Variants in ITGB2 observed in about 807,000 individuals in gnomAD.
The protein encoded by ITGB2 is integrin beta-2.
ITGB2 carries 56 observed loss-of-function variants against 86.8 expected under a neutral mutation model. That is an observed-to-expected ratio of 0.65 (90% CI 0.52 to 0.81). The LOEUF is 0.81. Among genes scored for constraint, ITGB2 ranks in the 30% least tolerant of loss-of-function variants. The probability of loss-of-function intolerance (pLI) is 0.00; values close to 1 mark genes in which losing one functional copy is unlikely to be tolerated. For missense variants in ITGB2, 948 were observed against 1,061.2 expected (o/e 0.89, Z 1.48); for synonymous variants, 457 against 450.4 (o/e 1.01, Z -0.19).
intron 8 of ITGB2, among the ~76,000 whole-genome samples, 179 bp downstream of exon 8, chr21:44,898,888 T>C (rs2083906522): frequency 1.3e-5 from 2 of 152,130 alleles, no homozygotes; most frequent in Admixed American, 1.3e-4. Context: ...CACGCAGGCG[T>C]CCTGTCCCCG....
At chr21:44,918,996 CA>C (rs148463578) in intron 1 of ITGB2, among the ~76,000 whole-genome samples, 4,296 of 55,706 alleles carry the variant, frequency 0.077, 12 homozygotes, top group African/African-American at 0.17. Context: ...CGGAGCTGAG[CA>C]TTCCCCTCTC....
chr21:44,919,026 T>TCTCCCA (rs1324062145), intron 1 of ITGB2, among the ~76,000 whole-genome samples: 690 of 47,044 alleles, frequency 0.015, 40 homozygotes, highest in Middle Eastern at 0.096. Flanking sequence ...CGGAGGCACC[T>TCTCCCA]GCAGTTGCTC....
upstream of ITGB2, among the ~76,000 whole-genome samples, chr21:44,924,772 A>C (rs1371671470): frequency 3.3e-5 from 5 of 152,194 alleles, no homozygotes. Flanking sequence ...CTACGGGGTA[A>C]TGAATAAGAG....
intron 1 of ITGB2, among the ~76,000 whole-genome samples, chr21:44,925,908 C>A (rs1568916170): frequency 6.6e-6 from 1 of 152,110 alleles, no homozygotes; most frequent in Non-Finnish European, 1.5e-5. Flanking sequence ...GAAACCTCGT[C>A]TCTACTAAAA....
rs1462134019 is a variant in ITGB2, at chr21:44,886,988, AC to A, written c.2081-87del. 6 of 1,532,028 alleles carry A rather than the reference AC, an allele frequency of 3.9e-6. No homozygotes were observed. The African/African-American group carries it at 8.2e-5, about 21-fold the overall frequency. 94.9% of individuals were successfully genotyped at this position (1,532,028 alleles called of 1,614,324 possible). On this transcript the variant is annotated intron_variant, in intron 14 of 15. Coordinates refer to ENST00000652462, the MANE Select transcript of ITGB2 (RefSeq NM_000211.5). ...CACAGGTCCGAGGTCACCCCACAAC[AC>A]AGCACTTAGAGAGACGGAGGTTCCC...
intron 12 of ITGB2, 36 bp downstream of exon 12, chr21:44,889,942 G>A: frequency 6.2e-7 from 1 of 1,611,586 alleles, no homozygotes; most frequent in Non-Finnish European, 8.5e-7. Flanking sequence ...CTGTGCCGCA[G>A]GACGGCCGTT....
intron 3 of ITGB2, among the ~76,000 whole-genome samples, chr21:44,908,432 C>A (rs923742945): frequency 6.6e-6 from 1 of 152,066 alleles, no homozygotes. Flanking sequence ...TAACCCCTGA[C>A]CAAAACTACT....
Position 44,901,708 on chromosome 21 carries a change from G to T in ITGB2, c.525C>A (p.Thr175=). The change falls in exon 6 of 16, where the codon ACC becomes ACA. Residue 175 remains threonine, a synonymous_variant. Transcript: ENST00000652462. ...GGTGCGTGTTCACGAACGGCAGCAC[G>T]GTCTTGTCCACGAAGGACCCGAAGC... The part of the protein sequence containing the change: ...RIGFGSFVDK[T]VLPFVNTHPD... 1 of 1,612,224 alleles carries T rather than the reference G, an allele frequency of 6.2e-7. No individual in the cohort carries two copies. Among genetic ancestry groups the T allele is most frequent in the Non-Finnish European group, 8.5e-7 (1 of 1,178,292 alleles).
At chr21:44,923,699 T>G (rs1382507686), upstream of ITGB2, among the ~76,000 whole-genome samples, 1 of 152,182 alleles carries the variant, frequency 6.6e-6, no homozygotes, top group Non-Finnish European at 1.5e-5. Context: ...TTTGGAGAAG[T>G]TGGTGGTGAT....
intron 11 of ITGB2, 29 bp from the exon 12 acceptor site, chr21:44,890,251 G>T (rs1243245706): frequency 6.2e-6 from 10 of 1,612,046 alleles, no homozygotes; most frequent in Non-Finnish European, 7.6e-6. Flanking sequence ...CCAAGGTCAG[G>T]CTCCCCCCAG....
chr21:44,894,397 T>TC, intron 9 of ITGB2: 1 of 171,836 alleles, frequency 5.8e-6, no homozygotes, highest in Admixed American at 5.4e-5. Flanking sequence ...GGACCTCTGG[T>TC]GCCTGGGGCC....
At chr21:44,888,634 G>A in intron 14 of ITGB2, 59 bp downstream of exon 14, 2 of 1,572,924 alleles carry the variant, frequency 1.3e-6, no homozygotes. Context: ...CCTCGCCTCT[G>A]CGGAGACCCC....
intron 8 of ITGB2, among the ~76,000 whole-genome samples, chr21:44,898,689 G>A (rs1039236445): frequency 6.6e-6 from 1 of 152,234 alleles, no homozygotes; most frequent in Non-Finnish European, 1.5e-5. Context: ...GCTTGTGAAC[G>A]TTTTTGTGTA....
Position 44,897,237 on chromosome 21 carries a change from G to A in ITGB2, c.993+1830C>T, listed in dbSNP as rs193132203. Among the ~76,000 whole-genome samples the A allele has an allele frequency of 2.1e-3, 327 of 152,352 alleles. 3 individuals are homozygous for A. The highest frequency in any genetic ancestry group is 7.9e-3 in the South Asian group (38 of 4,826). On this transcript the variant is annotated intron_variant, in intron 8 of 15. Transcript: ENST00000652462. ...GAGGTTGAGCTTGTAGCTGGGATACGGGCCTGACAATGGATCCCTGTAGTT... is the reference window on the plus strand; with the variant it reads ...GAGGTTGAGCTTGTAGCTGGGATACAGGCCTGACAATGGATCCCTGTAGTT...
At chr21:44,926,671 C>T (rs2084377301) in intron 1 of ITGB2, 1 of 152,296 alleles carries the variant, frequency 6.6e-6, no homozygotes, top group African/African-American at 2.4e-5. Context: ...CAGGGTTTCT[C>T]ATCTGCTGAA....
chr21:44,890,344 C>T (rs1366009320), intron 11 of ITGB2, 122 bp from the exon 12 acceptor site: 39 of 1,278,030 alleles, frequency 3.1e-5, no homozygotes, highest in East Asian at 1.9e-4. Context: ...ATTTTGCTTT[C>T]CTCGAGGCCT....
intron 1 of ITGB2, among the ~76,000 whole-genome samples, chr21:44,912,663 G>A (rs767582515): frequency 6.6e-6 from 1 of 152,122 alleles, no homozygotes; most frequent in Non-Finnish European, 1.5e-5. Context: ...GGTTCAGGCC[G>A]AGGCCAGTTC....
At chr21:44,905,190 C>T (rs915321794) in intron 4 of ITGB2, among the ~76,000 whole-genome samples, 5 of 152,104 alleles carry the variant, frequency 3.3e-5, no homozygotes, top group Non-Finnish European at 7.4e-5. Context: ...CAGCAGGCTG[C>T]GGGGGTAGGG....
chr21:44,891,820 G>A lies in ITGB2; in HGVS notation c.1401C>T (p.Cys467=), dbSNP rs769456941. Residue 467 remains cysteine, a synonymous_variant, in exon 11 of 16, where the codon TGC becomes TGT. Coordinates refer to ENST00000652462, the MANE Select transcript of ITGB2 (RefSeq NM_000211.5). ...SLCHGKGFLE[C]GICRCDTGYI... is the part of the protein sequence containing the mutation. ...TGCGCCCGCCTCACCTGCAGATGCCGCACTCCAAGAAGCCCTTGCCATGGC... is the reference window on the plus strand; with the variant it reads ...TGCGCCCGCCTCACCTGCAGATGCCACACTCCAAGAAGCCCTTGCCATGGC... The A allele has an allele frequency of 3.9e-5, 62 of 1,606,184 alleles. 1 individual carries two copies. The highest frequency in any genetic ancestry group is 1.6e-4 in the Middle Eastern group (1 of 6,082).
Sources: gnomAD v4.1 joint callset for allele counts (sites outside exome capture counted in the v4.1 genomes callset) on GRCh38, gnomAD v4.1.1 for gene constraint, MANE v1.5 for transcripts, NCBI Gene and HGNC (gene_info 2026-07-23, HGNC 2026-07-21) for gene names.